SNTG1: variants seen among roughly 807,000 people sequenced by gnomAD.
SNTG1 encodes the protein syntrophin gamma 1, also known as gamma-1-syntrophin.
A neutral mutation model predicts 74.7 loss-of-function variants in SNTG1; 39 were observed. That is an observed-to-expected ratio of 0.52 (90% confidence interval 0.40 to 0.68). The LOEUF is 0.68. Among genes scored for constraint, SNTG1 ranks in the 30% least tolerant of loss-of-function variants. SNTG1 has a pLI of 0.00. For synonymous variants in SNTG1, 254 were observed against 217.1 expected (o/e 1.17, Z -1.49); for missense variants, 685 against 609.5 (o/e 1.12, Z -1.30).
intron 2 of SNTG1, among the ~76,000 whole-genome samples, chr8:50,303,039 G>A (rs577267819): frequency 6.6e-6 from 1 of 152,208 alleles, no homozygotes; most frequent in Non-Finnish European, 1.5e-5. Flanking sequence ...ATGCCAAAAT[G>A]TCTTAAAATT....
At chr8:50,527,490 G>A (rs958553307) in intron 9 of SNTG1, among the ~76,000 whole-genome samples, 1 of 151,998 alleles carries the variant, frequency 6.6e-6, no homozygotes, top group African/African-American at 2.4e-5. Flanking sequence ...TCTTACATAA[G>A]AATCAATTAT....
intron 1 of SNTG1, among the ~76,000 whole-genome samples, chr8:49,947,157 C>T (rs993433739): frequency 3.3e-5 from 5 of 152,032 alleles, no homozygotes; most frequent in Non-Finnish European, 7.4e-5. Context: ...AAAAATTAGA[C>T]AGGCATGGCG....
intron 13 of SNTG1, among the ~76,000 whole-genome samples, chr8:50,649,381 C>T (rs1352350265): frequency 6.6e-6 from 1 of 152,098 alleles, no homozygotes; most frequent in Non-Finnish European, 1.5e-5. Flanking sequence ...TGCCTGTAAT[C>T]CCAGCTACTC....
chr8:50,374,193 T>C (rs2092328303), intron 2 of SNTG1, among the ~76,000 whole-genome samples: 3 of 152,240 alleles, frequency 2.0e-5, no homozygotes, highest in Non-Finnish European at 2.9e-5. Flanking sequence ...GTTAAAATCT[T>C]AAATTCCCTT....
intron 9 of SNTG1, among the ~76,000 whole-genome samples, chr8:50,508,183 C>T (rs2094027276): frequency 6.6e-6 from 1 of 152,072 alleles, no homozygotes. Flanking sequence ...GTTTTTTGTC[C>T]TTGCGATAAT....
chr8:50,167,043 A>T (rs1374003346), intron 1 of SNTG1, among the ~76,000 whole-genome samples: 1 of 139,056 alleles, frequency 7.2e-6, no homozygotes, highest in Non-Finnish European at 1.5e-5. Context: ...AACACTGCAT[A>T]TTCTCACTCA....
intron 1 of SNTG1, among the ~76,000 whole-genome samples, chr8:49,952,671 G>T (rs1809828108): frequency 6.6e-6 from 1 of 152,226 alleles, no homozygotes; most frequent in South Asian, 2.1e-4. Context: ...GCAGTGATAG[G>T]ATTGTGCAGA....
At position 50,795,732 on chromosome 8, in the gene SNTG1, T is replaced by A. The variant is rs1802781697; in HGVS notation, c.*2903T>A. On this transcript the variant is annotated 3_prime_UTR_variant, in exon 19 of 19. Coordinates refer to ENST00000642720, the MANE Select transcript of SNTG1 (RefSeq NM_018967.5). ...TACTATAATAATGTCTTTTGCCTGATAAAGAATAACAATTCATCTAAGTCG... is the reference window on the plus strand; with the variant it reads ...TACTATAATAATGTCTTTTGCCTGAAAAAGAATAACAATTCATCTAAGTCG... 6.6e-6 allele frequency: 1 copy of A among 152,096 alleles called. No homozygotes were observed. Among genetic ancestry groups the A allele is most frequent in the African/African-American group, 2.4e-5 (1 of 41,462 alleles). 9.4% of individuals were successfully genotyped at this position (152,096 alleles called of 1,614,324 possible). A position where few individuals can be genotyped will look rare whatever the true frequency, so the allele number is the denominator to read the frequency against.
intron 12 of SNTG1, among the ~76,000 whole-genome samples, chr8:50,566,158 G>T (rs77938914): frequency 1.0e-3 from 155 of 151,750 alleles, no homozygotes; most frequent in African/African-American, 3.7e-3. Flanking sequence ...TGTTTTGTCT[G>T]GTATCCTTGC....
At chr8:50,684,375 G>A (rs1435521337) in intron 15 of SNTG1, among the ~76,000 whole-genome samples, 1 of 152,074 alleles carries the variant, frequency 6.6e-6, no homozygotes, top group Non-Finnish European at 1.5e-5. Flanking sequence ...AAGCAATTTT[G>A]AAAGTAATCT....
chr8:50,325,077 T>C (rs2090690698), intron 2 of SNTG1, among the ~76,000 whole-genome samples: 1 of 148,166 alleles, frequency 6.7e-6, no homozygotes, highest in African/African-American at 2.5e-5. Flanking sequence ...ACCAAATATA[T>C]GCATATATAC....
At chr8:49,928,262 C>T (rs544004897) in intron 1 of SNTG1, among the ~76,000 whole-genome samples, 1 of 151,246 alleles carries the variant, frequency 6.6e-6, no homozygotes, top group African/African-American at 2.4e-5. Flanking sequence ...GAGTCTAGCT[C>T]TGTCCCCCAG....
chr8:50,660,523 G>T (rs572439915), intron 15 of SNTG1, among the ~76,000 whole-genome samples: 1 of 129,460 alleles, frequency 7.7e-6, no homozygotes, highest in African/African-American at 3.6e-5. Flanking sequence ...GAGGGAGGGA[G>T]GGAGAAGGAA....
chr8:50,109,170 C>A (rs1246125624), intron 1 of SNTG1, among the ~76,000 whole-genome samples: 2 of 152,076 alleles, frequency 1.3e-5, no homozygotes, highest in East Asian at 1.9e-4. Flanking sequence ...TCATGGCATA[C>A]CACAGGAATC....
chr8:49,910,702 G>A (rs1396890961), upstream of SNTG1, among the ~76,000 whole-genome samples: 8 of 152,138 alleles, frequency 5.3e-5, no homozygotes, highest in East Asian at 5.8e-4. Flanking sequence ...CGCGGATTCC[G>A]GAGTAGGGAG....
intron 1 of SNTG1, among the ~76,000 whole-genome samples, chr8:50,016,940 T>C (rs1395529496): frequency 1.3e-5 from 2 of 152,042 alleles, no homozygotes; most frequent in African/African-American, 4.8e-5. Context: ...AGCAGTGAGA[T>C]GACATAGTTA....
chr8:50,259,182 G>A (rs1217701336), intron 2 of SNTG1, among the ~76,000 whole-genome samples: 1 of 152,026 alleles, frequency 6.6e-6, no homozygotes, highest in South Asian at 2.1e-4. Flanking sequence ...TCTTATATCA[G>A]GCAAAACTAG....
At chr8:50,175,541 T>C (rs1008883983) in intron 2 of SNTG1, among the ~76,000 whole-genome samples, 1 of 152,212 alleles carries the variant, frequency 6.6e-6, no homozygotes, top group Non-Finnish European at 1.5e-5. Flanking sequence ...TGTTGCTGTG[T>C]AAGAGGGGGT....
chr8:50,160,956 A>G (rs2131592735), intron 1 of SNTG1, among the ~76,000 whole-genome samples: 1 of 152,292 alleles, frequency 6.6e-6, no homozygotes, highest in African/African-American at 2.4e-5. Context: ...AGACACAGCC[A>G]CCAATGAGAG....
Sources: gnomAD v4.1 joint callset for allele counts (sites outside exome capture counted in the v4.1 genomes callset) on GRCh38, gnomAD v4.1.1 for gene constraint, MANE v1.5 for transcripts, NCBI Gene and HGNC (gene_info 2026-07-23, HGNC 2026-07-21) for gene names.